ENOX1: variants seen among roughly 807,000 people sequenced by gnomAD.
ENOX1 encodes the protein ecto-NOX disulfide-thiol exchanger 1.
Under a neutral mutation model 82.5 loss-of-function variants are expected in ENOX1, and 42 were observed. The ratio of observed to expected loss-of-function variants is 0.51; its 90% CI spans 0.40 to 0.66. The LOEUF (loss-of-function observed/expected upper bound fraction) is 0.66. ENOX1 is among the 30% of genes least tolerant of loss of function. The pLI, the probability that ENOX1 is intolerant of heterozygous loss-of-function variation, is 0.00. For missense variants in ENOX1, 608 were observed against 811.6 expected (o/e 0.75, Z 3.05); for synonymous variants, 271 against 282.2 (o/e 0.96, Z 0.40).
At chr13:43,283,650 A>G (rs1222217714) in intron 12 of ENOX1, among the ~76,000 whole-genome samples, 3 of 148,918 alleles carry the variant, frequency 2.0e-5, no homozygotes, top group Non-Finnish European at 1.5e-5. Context: ...GGGTCTCAGT[A>G]TGTTGACCAG....
In ENOX1 at chr13:43,214,120, A is replaced by G; in HGVS notation, c.1802T>C (p.Ile601Thr). The G allele has an allele frequency of 6.2e-7, 1 of 1,612,538 alleles. No homozygotes were observed. Among genetic ancestry groups the G allele is most frequent in the South Asian group, 1.1e-5 (1 of 90,776 alleles). The change falls in exon 17 of 17, where the codon ATA becomes ACA. Residue 601 changes from isoleucine to threonine, a missense_variant and splice_region_variant. Ile to Thr is a moderately conservative substitution (Grantham distance 89). Coordinates refer to ENST00000690772, the MANE Select transcript of ENOX1 (RefSeq NM_001347969.2). ...WSYMQQLDSK[I>T]SANEIEMLLM... ...AAGCATTTCTATTTCATTTGCAGAT[A>G]TCTGTTAGAAAGGAAGGAAAGTCAC...
chr13:43,243,632 T>TCC (rs2042945992), intron 14 of ENOX1, among the ~76,000 whole-genome samples: 1 of 152,212 alleles, frequency 6.6e-6, no homozygotes, highest in Non-Finnish European at 1.5e-5. Flanking sequence ...AACCTCCTAC[T>TCC]TTGTCTCTGC....
At position 43,555,899 on chromosome 13, in the gene ENOX1, C is replaced by T. The variant is rs1430255988; in HGVS notation, c.-218-71747G>A. On this transcript the variant is annotated intron_variant, in intron 2 of 16. Transcript: ENST00000690772. ...GCCCACTGCAGCTAGGGATGACATA[C>T]TGCTTTTTAGAGATAGCACAGAGCA... is the stretch of plus-strand genomic sequence containing the variant. 4.6e-5 allele frequency among the ~76,000 whole-genome samples: 7 copies of T among 152,186 alleles called. No individual in the cohort carries two copies. In the East Asian group the frequency reaches 1.3e-3, roughly 29 times the overall value.
At chr13:43,252,438 T>C (rs934807522) in intron 14 of ENOX1, among the ~76,000 whole-genome samples, 1 of 152,224 alleles carries the variant, frequency 6.6e-6, no homozygotes, top group African/African-American at 2.4e-5. Context: ...AGGGAAAGAC[T>C]TCCCTGGCTC....
At chr13:43,494,367 C>T (rs949117709) in intron 2 of ENOX1, among the ~76,000 whole-genome samples, 7 of 152,148 alleles carry the variant, frequency 4.6e-5, no homozygotes, top group Admixed American at 2.6e-4. Flanking sequence ...GCAGAGACCA[C>T]GTACATCATG....
At chr13:43,520,630 G>GGGCCCT (rs1253458728) in intron 2 of ENOX1, among the ~76,000 whole-genome samples, 1 of 152,152 alleles carries the variant, frequency 6.6e-6, no homozygotes, top group Non-Finnish European at 1.5e-5. Flanking sequence ...GAACCATGCA[G>GGGCCCT]ACAGAGGATT....
At chr13:43,298,619 G>A in intron 11 of ENOX1, 89 bp from the exon 12 acceptor site, 5 of 1,249,912 alleles carry the variant, frequency 4.0e-6, no homozygotes, top group Non-Finnish European at 5.5e-6. Flanking sequence ...TGTCACCCAA[G>A]TTCTTAATGT....
chr13:43,346,348 T>A (rs1233991754), intron 8 of ENOX1, among the ~76,000 whole-genome samples: 1 of 152,104 alleles, frequency 6.6e-6, no homozygotes, highest in Non-Finnish European at 1.5e-5. Context: ...CCATTCTAAG[T>A]CCTCTCCTGC....
intron 12 of ENOX1, among the ~76,000 whole-genome samples, chr13:43,270,045 T>C (rs1217455357): frequency 6.6e-6 from 1 of 152,216 alleles, no homozygotes; most frequent in Non-Finnish European, 1.5e-5. Flanking sequence ...GATGTTTTAT[T>C]AGATCAGTAG....
chr13:43,624,556 C>T (rs562679333), intron 2 of ENOX1, among the ~76,000 whole-genome samples: 72 of 152,136 alleles, frequency 4.7e-4, no homozygotes, highest in African/African-American at 1.4e-3. Flanking sequence ...TAATCCATTT[C>T]GAATTTTTAC....
Position 43,223,619 on chromosome 13 carries a change from T to C in ENOX1, c.1800+434A>G, listed in dbSNP as rs149826625. Among the ~76,000 whole-genome samples the C allele has an allele frequency of 7.9e-3, 1,202 of 152,310 alleles. 17 individuals are homozygous for C. Among genetic ancestry groups the C allele is most frequent in the African/African-American group, 0.027 (1,130 of 41,548 alleles). On this transcript the variant is annotated intron_variant, in intron 16 of 16. Transcript: ENST00000690772. ...TGGAAAACAGCCATTAATACAGCTTTCTTGAGTCATATCAGATCTTTATAT... is the reference window on the plus strand; with the variant it reads ...TGGAAAACAGCCATTAATACAGCTTCCTTGAGTCATATCAGATCTTTATAT...
intron 1 of ENOX1, among the ~76,000 whole-genome samples, chr13:43,750,607 C>T (rs1354556641): frequency 6.6e-6 from 1 of 152,154 alleles, no homozygotes; most frequent in African/African-American, 2.4e-5. Context: ...GGCAAGATCT[C>T]TGATCTGGAA....
At chr13:43,368,540 T>C (rs959675487) in intron 5 of ENOX1, among the ~76,000 whole-genome samples, 3 of 152,186 alleles carry the variant, frequency 2.0e-5, no homozygotes, top group Admixed American at 1.3e-4. Flanking sequence ...ACAGGTTCTG[T>C]AAAATTCACT....
intron 1 of ENOX1, among the ~76,000 whole-genome samples, chr13:43,751,448 C>T (rs944130989): frequency 3.3e-5 from 5 of 152,182 alleles, no homozygotes; most frequent in East Asian, 1.9e-4. Flanking sequence ...TATATCCATA[C>T]CTGTGAAACC....
At chr13:43,732,463 T>C (rs908870650) in intron 1 of ENOX1, among the ~76,000 whole-genome samples, 4 of 152,204 alleles carry the variant, frequency 2.6e-5, no homozygotes, top group African/African-American at 9.6e-5. Flanking sequence ...TCCATTCTCA[T>C]ACAATTCACT....
chr13:43,339,532 G>A (rs2153540857), intron 9 of ENOX1, among the ~76,000 whole-genome samples: 1 of 152,302 alleles, frequency 6.6e-6, no homozygotes, highest in East Asian at 1.9e-4. Flanking sequence ...TCCGTGTTTG[G>A]CTTGTTTGCG....
chr13:43,468,948 G>T (rs949714991), intron 3 of ENOX1, among the ~76,000 whole-genome samples: 7 of 152,036 alleles, frequency 4.6e-5, no homozygotes, highest in Non-Finnish European at 1.0e-4. Context: ...TTTGTATATT[G>T]ATTTTATACG....
chr13:43,730,876 C>T (rs909875191), intron 1 of ENOX1, among the ~76,000 whole-genome samples: 5 of 152,152 alleles, frequency 3.3e-5, no homozygotes, highest in Non-Finnish European at 5.9e-5. Flanking sequence ...TCAGCTCCTC[C>T]AGGAAGCATT....
chr13:43,743,496 G>A (rs947247441), intron 1 of ENOX1, among the ~76,000 whole-genome samples: 1 of 152,142 alleles, frequency 6.6e-6, no homozygotes, highest in African/African-American at 2.4e-5. Context: ...GGGTTCTCAG[G>A]TATAAATCCT....
Sources: allele counts gnomAD v4.1 joint callset (sites outside exome capture counted in the v4.1 genomes callset), GRCh38; gene constraint gnomAD v4.1.1; transcripts MANE v1.5; gene names NCBI Gene and HGNC (gene_info 2026-07-23, HGNC 2026-07-21).